The following TBC1D12 variants were observed in gnomAD, a reference collection of about 807,000 sequenced individuals.
The protein encoded by TBC1D12 is TBC1 domain family, member 12.
In TBC1D12, 56 loss-of-function variants were observed where a neutral mutation model predicts 86.7. That is an observed-to-expected ratio of 0.65 (90% confidence interval 0.52 to 0.81). The LOEUF is 0.81. Ranked by LOEUF, TBC1D12 falls within the 30% of genes least tolerant of loss-of-function variation. The pLI is 0.00. For missense variants in TBC1D12, 1,023 were observed against 1,038.8 expected (o/e 0.98, Z 0.21); for synonymous variants, 421 against 411.7 (o/e 1.02, Z -0.27).
chr10:94,488,311 A>G (rs112535200), intron 3 of TBC1D12, among the ~76,000 whole-genome samples: 3,902 of 147,680 alleles, frequency 0.026, 169 homozygotes, highest in African/African-American at 0.089. Context: ...TCGCTTCAAC[A>G]TGGGAGGCGG....
At chr10:94,504,420 A>G (rs2056436495) in intron 6 of TBC1D12, among the ~76,000 whole-genome samples, 1 of 152,198 alleles carries the variant, frequency 6.6e-6, no homozygotes, top group African/African-American at 2.4e-5. Flanking sequence ...TTCACTAAAC[A>G]TTTATGTATT....
chr10:94,503,421 A>T (rs2134194311), intron 6 of TBC1D12, among the ~76,000 whole-genome samples: 1 of 152,322 alleles, frequency 6.6e-6, no homozygotes, highest in East Asian at 1.9e-4. Flanking sequence ...AATAGCCAGG[A>T]TTGGATGCAA....
intron 1 of TBC1D12, among the ~76,000 whole-genome samples, chr10:94,411,207 CTTCT>C (rs2054923277): frequency 6.6e-6 from 1 of 152,128 alleles, no homozygotes; most frequent in Non-Finnish European, 1.5e-5. Context: ...TGCATCAGCT[CTTCT>C]TTCTTTTCTG....
chr10:94,425,975 A>T (rs1429137622), intron 1 of TBC1D12, among the ~76,000 whole-genome samples: 2 of 152,194 alleles, frequency 1.3e-5, no homozygotes, highest in African/African-American at 4.8e-5. Context: ...ACTATTCATT[A>T]CTAATTCAGA....
At chr10:94,489,903 C>G (rs13376759) in intron 3 of TBC1D12, among the ~76,000 whole-genome samples, 4,011 of 152,208 alleles carry the variant, frequency 0.026, 173 homozygotes, top group African/African-American at 0.089. Context: ...ACAAAAATCA[C>G]CTATCACAGA....
At chr10:94,487,655 AC>A (rs746124650) in intron 3 of TBC1D12, among the ~76,000 whole-genome samples, 4 of 149,842 alleles carry the variant, frequency 2.7e-5, no homozygotes, top group Admixed American at 6.6e-5. Context: ...TTTTAAAAAA[AC>A]TTTTTGTTGT....
intron 2 of TBC1D12, among the ~76,000 whole-genome samples, chr10:94,459,026 CTTT>C (rs1333250936): frequency 2.0e-5 from 3 of 152,244 alleles, no homozygotes; most frequent in African/African-American, 4.8e-5. Flanking sequence ...GCTTTTATTT[CTTT>C]ATCTGGCCCC....
At chr10:94,441,326 A>G (rs2055378210) in intron 1 of TBC1D12, among the ~76,000 whole-genome samples, 1 of 152,006 alleles carries the variant, frequency 6.6e-6, no homozygotes, top group African/African-American at 2.4e-5. Flanking sequence ...ATAACAAATT[A>G]TTACTGTAAA....
At chr10:94,458,276 A>G (rs2055658633) in intron 2 of TBC1D12, among the ~76,000 whole-genome samples, 1 of 152,148 alleles carries the variant, frequency 6.6e-6, no homozygotes, top group Admixed American at 6.5e-5. Context: ...CTGAGCTAGC[A>G]TGCTTAGCCC....
At chr10:94,451,340 G>T (rs1486331436) in intron 2 of TBC1D12, among the ~76,000 whole-genome samples, 2 of 151,952 alleles carry the variant, frequency 1.3e-5, no homozygotes, top group Non-Finnish European at 2.9e-5. Context: ...TCTTAAAAAG[G>T]TTATAAAAAA....
chr10:94,484,856 A>G (rs538241405), intron 3 of TBC1D12, among the ~76,000 whole-genome samples: 1 of 152,126 alleles, frequency 6.6e-6, no homozygotes, highest in African/African-American at 2.4e-5. Context: ...ATTTAATTTT[A>G]TTTGTGGCTA....
chr10:94,498,692 G>A (rs1273328593), intron 5 of TBC1D12, among the ~76,000 whole-genome samples: 2 of 152,038 alleles, frequency 1.3e-5, no homozygotes, highest in Non-Finnish European at 2.9e-5. Flanking sequence ...CTGGCCTCAA[G>A]TGATCAGCCT....
Position 94,403,236 on chromosome 10 carries a change from A to C in TBC1D12, c.623A>C (p.Asp208Ala). The change falls in exon 1 of 13, where the codon GAC (aspartate) becomes GCC (alanine). Residue 208 changes from aspartate (D) to alanine (A), a missense_variant. Physicochemically the swap from Asp to Ala is moderately radical, Grantham distance 126. Coordinates refer to ENST00000225235, the MANE Select transcript of TBC1D12 (RefSeq NM_015188.2). The part of the protein sequence containing the change: ...PLRSCCLVAA[D>A]AQEPEGAGSD... The stretch of plus-strand genomic sequence containing the variant: ...CGGAGCTGCTGCCTGGTGGCCGCGG[A>C]CGCCCAGGAGCCCGAGGGCGCGGGC... 1 of 1,507,132 alleles carries C rather than the reference A, an allele frequency of 6.6e-7. No individual in the cohort carries two copies. Among genetic ancestry groups the C allele is most frequent in the Non-Finnish European group, 8.9e-7 (1 of 1,129,774 alleles). The allele number at this position is 1,507,132 out of a possible 1,614,324, so 93.4% of individuals were successfully genotyped here.
Position 94,493,344 on chromosome 10 carries a change from TTAAG to T in TBC1D12, c.1212-17_1212-14del, listed in dbSNP as rs764741308. The T allele has an allele frequency of 3.2e-6, 5 of 1,586,644 alleles. No individual in the cohort carries two copies. The Admixed American group carries it at 7.1e-5, about 23-fold the overall frequency. On this transcript the variant is annotated splice_polypyrimidine_tract_variant and intron_variant, in intron 3 of 12. Transcript: ENST00000225235. ...TTAATCTTTTAAAAATTGTCTTGACTTAAGTAATTTTTTTTTCCAGAAATCTTCC... is the reference window on the plus strand; with the variant it reads ...TTAATCTTTTAAAAATTGTCTTGACTTAATTTTTTTTTCCAGAAATCTTCC...
rs1289115157 is a variant in TBC1D12 at position 94,403,204 on chromosome 10, C to A, written c.591C>A (p.Asp197Glu). 3.3e-6 allele frequency: 5 copies of A among 1,501,954 alleles called. No homozygotes were observed. In the Admixed American group the frequency reaches 6.7e-5, roughly 20 times the overall value. The allele number at this position is 1,501,954 out of a possible 1,614,324, so 93.0% of individuals were successfully genotyped here. A position where few individuals can be genotyped will look rare whatever the true frequency, so the allele number is the denominator to read the frequency against. ...SPSDWASPLE[D>E]PLRSCCLVAA... ...CCGATTGGGCCTCTCCGCTTGAGGA[C>A]CCGCTGCGGAGCTGCTGCCTGGTGG... The change falls in exon 1 of 13, where the codon GAC becomes GAA. Residue 197 changes from aspartate to glutamate, a missense_variant. By Grantham distance (45) the Asp-to-Glu change is conservative. Around this residue, in one of 2 missense-constraint regions of TBC1D12, gnomAD observed 628 missense variants for 531.1 expected, o/e 1.18. Transcript: ENST00000225235.
chr10:94,442,473 C>T (rs1481016588), intron 2 of TBC1D12, among the ~76,000 whole-genome samples: 4 of 152,182 alleles, frequency 2.6e-5, no homozygotes, highest in Admixed American at 1.3e-4. Flanking sequence ...CTGGTGTCCT[C>T]TCTAAACCAA....
intron 8 of TBC1D12, among the ~76,000 whole-genome samples, chr10:94,511,043 A>C (rs900674283): frequency 6.6e-6 from 1 of 151,972 alleles, no homozygotes; most frequent in Non-Finnish European, 1.5e-5. Context: ...TGTATCCATC[A>C]AGTAAGTTTA....
chr10:94,459,335 G>A (rs889735270), intron 2 of TBC1D12, among the ~76,000 whole-genome samples: 3 of 152,142 alleles, frequency 2.0e-5, no homozygotes, highest in African/African-American at 7.2e-5. Flanking sequence ...CAAACCCTGA[G>A]CTAGACACAG....
chr10:94,486,136 C>CTTTTTTTT (rs760373766), intron 3 of TBC1D12, among the ~76,000 whole-genome samples: 1,087 of 120,786 alleles, frequency 9.0e-3, no homozygotes, highest in East Asian at 0.014. Flanking sequence ...TCTTCTTCTT[C>CTTTTTTTT]TTCTTTTTTT....
Sources: gnomAD v4.1 joint callset for allele counts (sites outside exome capture counted in the v4.1 genomes callset) on GRCh38, gnomAD v4.1.1 for gene constraint, gnomAD v4.1.1 regional missense constraint, MANE v1.5 for transcripts, NCBI Gene and HGNC (gene_info 2026-07-23, HGNC 2026-07-21) for gene names.